MAGI1: variants seen among roughly 807,000 people sequenced by gnomAD.
MAGI1 encodes the protein membrane associated guanylate kinase, WW and PDZ domain containing 1, also known as membrane-associated guanylate kinase, WW and PDZ domain-containing protein 1.
A neutral mutation model predicts 139.9 loss-of-function variants in MAGI1; 58 were observed. The ratio of observed to expected loss-of-function variants is 0.41; its 90% CI spans 0.34 to 0.52. The LOEUF is 0.52. Among genes scored for constraint, MAGI1 ranks in the 20% least tolerant of loss-of-function variants. The pLI is 0.12. For missense variants in MAGI1, 1,874 were observed against 1,901.6 expected, an observed-to-expected ratio of 0.99 and a Z score of 0.27; for synonymous variants, 812 against 737.9, an observed-to-expected ratio of 1.10 and a Z score of -1.63.
At chr3:65,620,685 A>C (rs1395580698) in intron 2 of MAGI1, among the ~76,000 whole-genome samples, 1 of 152,270 alleles carries the variant, frequency 6.6e-6, no homozygotes, top group Non-Finnish European at 1.5e-5. Context: ...AAAAGAACTG[A>C]GGACCACAAG....
chr3:65,412,912 T>C (rs1453915219), intron 12 of MAGI1, among the ~76,000 whole-genome samples: 2 of 152,102 alleles, frequency 1.3e-5, no homozygotes, highest in Non-Finnish European at 2.9e-5. Context: ...CCAAACCCTA[T>C]AAGCTCCCCA....
chr3:65,463,578 G>GTGTGTGTA (rs1212169906), intron 5 of MAGI1, among the ~76,000 whole-genome samples: 1 of 151,152 alleles, frequency 6.6e-6, no homozygotes, highest in Non-Finnish European at 1.5e-5. Context: ...GTGTGTGTGT[G>GTGTGTGTA]TGTGTGTGTG....
Position 65,440,030 on chromosome 3 carries a change from T to C in MAGI1, c.1137-18A>G, listed in dbSNP as rs774911070. On this transcript the variant is annotated intron_variant, in intron 8 of 22. Coordinates refer to ENST00000402939, the MANE Select transcript of MAGI1 (RefSeq NM_001033057.2). ...TGATGTGGCTGGGGAAGATAGCAAA[T>C]AGTATTCAGCTTGAAACAGTTCATC... The C allele has an allele frequency of 3.7e-6, 6 of 1,613,620 alleles. No homozygotes were observed. In the South Asian group the frequency reaches 5.5e-5, roughly 15 times the overall value.
chr3:65,492,076 T>C (rs1248991868), intron 3 of MAGI1, among the ~76,000 whole-genome samples: 1 of 152,220 alleles, frequency 6.6e-6, no homozygotes, highest in African/African-American at 2.4e-5. Context: ...TAATCTACTT[T>C]GTATTTACCC....
At chr3:65,499,465 C>T (rs573948372) in intron 2 of MAGI1, among the ~76,000 whole-genome samples, 55 of 152,124 alleles carry the variant, frequency 3.6e-4, no homozygotes, top group Non-Finnish European at 6.5e-4. Flanking sequence ...CTGGCTAACA[C>T]GGTGAAACCC....
chr3:65,712,949 C>T (rs777807445), intron 1 of MAGI1, among the ~76,000 whole-genome samples: 24 of 152,176 alleles, frequency 1.6e-4, no homozygotes, highest in Non-Finnish European at 2.9e-4. Flanking sequence ...CATCACTCTA[C>T]CTTTATTCTC....
chr3:65,955,369 T>A (rs1279515717), intron 1 of MAGI1, among the ~76,000 whole-genome samples: 3 of 152,118 alleles, frequency 2.0e-5, no homozygotes, highest in South Asian at 2.1e-4. Flanking sequence ...TAATTGCAAA[T>A]GAAATTCCAC....
At chr3:65,864,999 C>T (rs542497978) in intron 1 of MAGI1, among the ~76,000 whole-genome samples, 5 of 152,180 alleles carry the variant, frequency 3.3e-5, no homozygotes, top group African/African-American at 7.2e-5. Flanking sequence ...CACACACCTA[C>T]GTACATACAG....
At chr3:65,526,208 T>C (rs540545345) in intron 2 of MAGI1, among the ~76,000 whole-genome samples, 5 of 152,204 alleles carry the variant, frequency 3.3e-5, no homozygotes, top group South Asian at 2.1e-4. Context: ...CTGCCCTCCT[T>C]GATGTTCAGT....
chr3:65,846,775 G>A (rs2059012972), intron 1 of MAGI1, among the ~76,000 whole-genome samples: 1 of 152,080 alleles, frequency 6.6e-6, no homozygotes, highest in Admixed American at 6.5e-5. Flanking sequence ...TCAGATCCAG[G>A]CAGTCTAATT....
intron 2 of MAGI1, among the ~76,000 whole-genome samples, chr3:65,517,722 T>C (rs1426302708): frequency 6.6e-6 from 1 of 152,142 alleles, no homozygotes; most frequent in Non-Finnish European, 1.5e-5. Flanking sequence ...CTGAGCTCTC[T>C]GCCACAGGGA....
chr3:65,619,725 G>T, intron 2 of MAGI1: 1 of 385,264 alleles, frequency 2.6e-6, no homozygotes, highest in Non-Finnish European at 3.6e-6. Flanking sequence ...AACATAAGTC[G>T]AAAGAATCCC....
At chr3:65,780,620 C>A (rs1388653318) in intron 1 of MAGI1, among the ~76,000 whole-genome samples, 1 of 152,038 alleles carries the variant, frequency 6.6e-6, no homozygotes, top group Non-Finnish European at 1.5e-5. Flanking sequence ...GTGAAGAATC[C>A]ATTTTTGAAA....
chr3:65,793,208 G>A (rs1214796044), intron 1 of MAGI1, among the ~76,000 whole-genome samples: 2 of 152,214 alleles, frequency 1.3e-5, no homozygotes, highest in Admixed American at 1.3e-4. Context: ...TATCAGGTGT[G>A]CACCATGCTG....
At chr3:65,445,717 T>C (rs955504208) in intron 7 of MAGI1, among the ~76,000 whole-genome samples, 1 of 152,290 alleles carries the variant, frequency 6.6e-6, no homozygotes, top group South Asian at 2.1e-4. Context: ...TGATAAATTC[T>C]GCAAACCAAA....
intron 1 of MAGI1, among the ~76,000 whole-genome samples, chr3:65,734,472 A>C (rs990731848): frequency 3.3e-5 from 5 of 151,188 alleles, no homozygotes; most frequent in Non-Finnish European, 7.4e-5. Context: ...AAAAAAAAAA[A>C]AGAAAGAAGA....
At chr3:65,763,897 C>G (rs1168503463) in intron 1 of MAGI1, among the ~76,000 whole-genome samples, 2 of 151,520 alleles carry the variant, frequency 1.3e-5, no homozygotes, top group African/African-American at 2.4e-5. Flanking sequence ...ATGGAGAAAC[C>G]CCATCTCTAC....
intron 1 of MAGI1, among the ~76,000 whole-genome samples, chr3:65,656,411 T>G (rs1274962958): frequency 6.6e-6 from 1 of 152,116 alleles, no homozygotes; most frequent in Non-Finnish European, 1.5e-5. Flanking sequence ...TGTCTCAGAT[T>G]AAAAGAGAAC....
chr3:65,554,466 C>T (rs980260926), intron 2 of MAGI1, among the ~76,000 whole-genome samples: 9 of 152,006 alleles, frequency 5.9e-5, no homozygotes, highest in Non-Finnish European at 1.2e-4. Context: ...ACTTTCTTAC[C>T]GATGGGAAAA....
Sources: allele counts gnomAD v4.1 joint callset (sites outside exome capture counted in the v4.1 genomes callset), GRCh38; gene constraint gnomAD v4.1.1; transcripts MANE v1.5; gene names NCBI Gene and HGNC (gene_info 2026-07-23, HGNC 2026-07-21).